PLCB1: variants seen among roughly 807,000 people sequenced by gnomAD.
The protein encoded by PLCB1 is phospholipase C beta 1, also known as 1-phosphatidylinositol 4,5-bisphosphate phosphodiesterase beta-1.
A neutral mutation model predicts 161.8 loss-of-function variants in PLCB1; 46 were observed. That is an observed-to-expected ratio of 0.28 (90% CI 0.22 to 0.36). The LOEUF is 0.36. PLCB1 is among the 10% of genes least tolerant of loss of function. The pLI is 1.00. For synonymous variants in PLCB1, 517 were observed against 503.7 expected, an observed-to-expected ratio of 1.03 and a Z score of -0.35; for missense variants, 1,016 against 1,472.5, an observed-to-expected ratio of 0.69 and a Z score of 5.07.
intron 4 of PLCB1, among the ~76,000 whole-genome samples, chr20:8,634,433 C>G (rs922184490): frequency 6.6e-6 from 1 of 152,118 alleles, no homozygotes; most frequent in Non-Finnish European, 1.5e-5. Flanking sequence ...TCGTTAACTT[C>G]GTCTATATCA....
chr20:8,834,454 T>A (rs554391951), intron 31 of PLCB1, among the ~76,000 whole-genome samples: 4 of 151,848 alleles, frequency 2.6e-5, no homozygotes, highest in Non-Finnish European at 4.4e-5. Flanking sequence ...AGGGAATTGG[T>A]TCATGTGATT....
At chr20:8,286,277 T>G (rs1460602092) in intron 2 of PLCB1, among the ~76,000 whole-genome samples, 2 of 152,188 alleles carry the variant, frequency 1.3e-5, no homozygotes, top group African/African-American at 4.8e-5. Flanking sequence ...TGAGCCAAGA[T>G]GGTGCCACTG....
chr20:8,539,768 C>T (rs1985231689), intron 3 of PLCB1, among the ~76,000 whole-genome samples: 1 of 149,200 alleles, frequency 6.7e-6, no homozygotes, highest in South Asian at 2.1e-4. Context: ...TTCCTTCCTT[C>T]TTTCCTTCCT....
At chr20:8,152,081 C>T (rs577279636) in intron 2 of PLCB1, among the ~76,000 whole-genome samples, 123 of 152,142 alleles carry the variant, frequency 8.1e-4, no homozygotes, top group Non-Finnish European at 1.6e-3. Context: ...TATGACCAAG[C>T]GAAACAGATA....
At chr20:8,197,489 G>A (rs1178003511) in intron 2 of PLCB1, among the ~76,000 whole-genome samples, 1 of 152,078 alleles carries the variant, frequency 6.6e-6, no homozygotes, top group African/African-American at 2.4e-5. Flanking sequence ...CATATCCTTT[G>A]CCCACTTGTT....
rs149926782 is a variant in PLCB1, at chr20:8,189,232, G to A, written c.177+38861G>A. Among the ~76,000 whole-genome samples the A allele has an allele frequency of 4.7e-3, 711 of 151,512 alleles. 2 individuals are homozygous for A. Among genetic ancestry groups the A allele is most frequent in the African/African-American group, 0.016 (671 of 41,406 alleles). ...GTTCGAGATTTTTGCTAAGTGAATA[G>A]CTATAGCTGCTTTTGCCATTGGAGA... On this transcript the variant is annotated intron_variant, in intron 2 of 31. Coordinates refer to ENST00000338037, the MANE Select transcript of PLCB1 (RefSeq NM_015192.4).
At chr20:8,204,186 G>A (rs1244892776) in intron 2 of PLCB1, among the ~76,000 whole-genome samples, 2 of 151,998 alleles carry the variant, frequency 1.3e-5, no homozygotes, top group Admixed American at 6.6e-5. Flanking sequence ...TACGTAGTCC[G>A]GTGTCATGAG....
intron 3 of PLCB1, among the ~76,000 whole-genome samples, chr20:8,460,550 C>G (rs992952868): frequency 6.6e-6 from 1 of 152,176 alleles, no homozygotes; most frequent in Non-Finnish European, 1.5e-5. Context: ...TCAATATAGG[C>G]AAAGTTTCTG....
intron 3 of PLCB1, among the ~76,000 whole-genome samples, chr20:8,434,136 A>G (rs1346211788): frequency 6.6e-6 from 1 of 152,222 alleles, no homozygotes; most frequent in Non-Finnish European, 1.5e-5. Context: ...TTTTTGAATG[A>G]GGCAGGAAGA....
chr20:8,803,597 G>C (rs971081639), intron 31 of PLCB1, among the ~76,000 whole-genome samples: 6 of 152,052 alleles, frequency 3.9e-5, no homozygotes, highest in Admixed American at 3.9e-4. Flanking sequence ...TGGAAGGTGA[G>C]TAGAGGACCG....
intron 2 of PLCB1, among the ~76,000 whole-genome samples, chr20:8,194,407 T>G (rs2052001765): frequency 6.6e-6 from 1 of 152,016 alleles, no homozygotes; most frequent in East Asian, 1.9e-4. Flanking sequence ...CACCCTGTCA[T>G]TTTTCTTTTT....
At chr20:8,248,908 TTCCTC>T (rs1981010556) in intron 2 of PLCB1, 2 of 151,930 alleles carry the variant, frequency 1.3e-5, no homozygotes, top group Admixed American at 6.6e-5. Flanking sequence ...TATAGGACTA[TTCCTC>T]CTAAATGAAT....
At chr20:8,744,591 G>A (rs927659771) in intron 23 of PLCB1, among the ~76,000 whole-genome samples, 5 of 72,744 alleles carry the variant, frequency 6.9e-5, no homozygotes, top group Non-Finnish European at 1.3e-4. Context: ...CTGGGCCACA[G>A]AGACCATGTC....
chr20:8,475,668 G>A (rs1247501404), intron 3 of PLCB1, among the ~76,000 whole-genome samples: 2 of 152,044 alleles, frequency 1.3e-5, no homozygotes, highest in East Asian at 1.9e-4. Context: ...GTATGTAAAG[G>A]ATTTCACTTC....
intron 2 of PLCB1, among the ~76,000 whole-genome samples, chr20:8,293,524 A>G (rs1222784673): frequency 1.3e-5 from 2 of 152,160 alleles, no homozygotes; most frequent in Non-Finnish European, 2.9e-5. Context: ...TGTGTTTTTA[A>G]CAGTGAGTGT....
At chr20:8,340,682 C>A (rs1037744245) in intron 2 of PLCB1, among the ~76,000 whole-genome samples, 1 of 152,146 alleles carries the variant, frequency 6.6e-6, no homozygotes, top group Non-Finnish European at 1.5e-5. Context: ...CCTCGGCCTC[C>A]CAAAGTGCTG....
At chr20:8,306,386 T>A (rs1290441116) in intron 2 of PLCB1, 1 of 152,156 alleles carries the variant, frequency 6.6e-6, no homozygotes, top group Non-Finnish European at 1.5e-5. Flanking sequence ...AGGTCAGTGG[T>A]CATGTCAAAC....
chr20:8,532,561 C>A (rs1474705950), intron 3 of PLCB1, among the ~76,000 whole-genome samples: 2 of 152,168 alleles, frequency 1.3e-5, no homozygotes, highest in African/African-American at 4.8e-5. Flanking sequence ...TGGTAGATTT[C>A]TATTAACTGA....
At chr20:8,212,392 C>A (rs6077327) in intron 2 of PLCB1, among the ~76,000 whole-genome samples, 41,864 of 151,824 alleles carry the variant, frequency 0.28, 6,764 homozygotes, top group Non-Finnish European at 0.38. Flanking sequence ...GCATTTTATT[C>A]TAAATACAAT....
Sources: gnomAD v4.1 joint callset for allele counts (sites outside exome capture counted in the v4.1 genomes callset) on GRCh38, gnomAD v4.1.1 for gene constraint, MANE v1.5 for transcripts, NCBI Gene and HGNC (gene_info 2026-07-23, HGNC 2026-07-21) for gene names.